CDH12: variants seen among roughly 807,000 people sequenced by gnomAD.
CDH12 encodes cadherin-12.
Under a neutral mutation model 74.1 loss-of-function variants are expected in CDH12, and 41 were observed. That is an observed-to-expected ratio of 0.55 (90% CI 0.43 to 0.72). The LOEUF is 0.72. CDH12 is among the 30% of genes least tolerant of loss of function. The pLI, the probability that CDH12 is intolerant of heterozygous loss-of-function variation, is 0.00. For synonymous variants in CDH12, 399 were observed against 355.0 expected, an observed-to-expected ratio of 1.12 and a Z score of -1.39; for missense variants, 945 against 977.2, an observed-to-expected ratio of 0.97 and a Z score of 0.44.
chr5:21,920,911 A>G (rs1754323295), intron 6 of CDH12, among the ~76,000 whole-genome samples: 2 of 152,174 alleles, frequency 1.3e-5, no homozygotes, highest in Admixed American at 1.3e-4. Context: ...AGAATCATGA[A>G]TGTTTAGATA....
intron 1 of CDH12, 53 bp from the exon 2 acceptor site, chr5:22,505,417 AT>A (rs1485351264): frequency 3.3e-6 from 2 of 614,120 alleles, no homozygotes; most frequent in Non-Finnish European, 4.1e-6. Flanking sequence ...TCTAATAAAC[AT>A]TTATTTTAGA....
At chr5:22,574,819 A>T (rs536933887) in intron 1 of CDH12, among the ~76,000 whole-genome samples, 1 of 152,294 alleles carries the variant, frequency 6.6e-6, no homozygotes, top group African/African-American at 2.4e-5. Flanking sequence ...GATAGGCCAG[A>T]AACACGAGCC....
intron 6 of CDH12, among the ~76,000 whole-genome samples, chr5:21,923,577 T>C (rs1361553547): frequency 1.3e-5 from 2 of 152,182 alleles, no homozygotes; most frequent in East Asian, 3.9e-4. Flanking sequence ...TATGTTTCTT[T>C]ATGCTCCCCA....
intron 5 of CDH12, among the ~76,000 whole-genome samples, chr5:22,050,447 A>T (rs996074320): frequency 1.4e-4 from 21 of 152,192 alleles, no homozygotes; most frequent in Admixed American, 1.3e-4. Flanking sequence ...TGACACACAG[A>T]GGTTCACAAT....
intron 1 of CDH12, among the ~76,000 whole-genome samples, chr5:22,723,023 T>C (rs911537240): frequency 1.3e-5 from 2 of 152,196 alleles, no homozygotes; most frequent in Non-Finnish European, 2.9e-5. Flanking sequence ...AAAAGCACTT[T>C]GTGGTTGAGG....
intron 4 of CDH12, among the ~76,000 whole-genome samples, chr5:22,086,541 G>GT (rs1743081291): frequency 6.6e-6 from 1 of 151,394 alleles, no homozygotes; most frequent in African/African-American, 2.4e-5. Context: ...TTGTTTGTTT[G>GT]TTTTTTGCAT....
At chr5:21,880,684 T>TTTCTTTCTTTCTTTCC (rs1561268943) in intron 6 of CDH12, among the ~76,000 whole-genome samples, 1 of 133,472 alleles carries the variant, frequency 7.5e-6, no homozygotes, top group African/African-American at 2.7e-5. Flanking sequence ...TCTTTCTTTC[T>TTTCTTTCTTTCTTTCC]TTCTTTCTCT....
intron 2 of CDH12, among the ~76,000 whole-genome samples, chr5:22,453,751 G>C (rs549652268): frequency 6.6e-6 from 1 of 152,084 alleles, no homozygotes; most frequent in African/African-American, 2.4e-5. Context: ...TCACTGCAAA[G>C]AATTGATAAC....
At chr5:22,566,694 G>A (rs1468636214) in intron 1 of CDH12, among the ~76,000 whole-genome samples, 2 of 152,098 alleles carry the variant, frequency 1.3e-5, no homozygotes, top group East Asian at 3.9e-4. Flanking sequence ...CCGGAATTGG[G>A]TCCTGACGTA....
chr5:22,013,614 C>T (rs903440371), intron 5 of CDH12, among the ~76,000 whole-genome samples: 1 of 152,132 alleles, frequency 6.6e-6, no homozygotes, highest in Non-Finnish European at 1.5e-5. Context: ...AATATTATCT[C>T]AGCTCATACT....
At chr5:21,980,767 T>C (rs527250903) in intron 5 of CDH12, among the ~76,000 whole-genome samples, 10 of 152,254 alleles carry the variant, frequency 6.6e-5, no homozygotes, top group Admixed American at 4.6e-4. Flanking sequence ...TTTGGTATTA[T>C]AGCTCTGCAA....
At chr5:22,211,069 C>G (rs1751506488) in intron 4 of CDH12, among the ~76,000 whole-genome samples, 3 of 152,194 alleles carry the variant, frequency 2.0e-5, no homozygotes, top group African/African-American at 2.4e-5. Context: ...GGAAGAAGCA[C>G]TAACATCGAC....
intron 1 of CDH12, among the ~76,000 whole-genome samples, chr5:22,825,942 T>A (rs567029258): frequency 6.6e-6 from 1 of 152,334 alleles, no homozygotes; most frequent in African/African-American, 2.4e-5. Flanking sequence ...AGGACACATG[T>A]CATTCACTAA....
In CDH12 at chr5:21,945,241, A is replaced by G. The variant is rs527516743; in HGVS notation, c.526+29850T>C. Among the ~76,000 whole-genome samples the G allele has an allele frequency of 8.6e-5, 13 of 151,826 alleles. No individual in the cohort carries two copies. In the South Asian group the frequency reaches 2.7e-3, roughly 31 times the overall value. ...GGAGTTCAAGACCATCCTGTCCAACATGGCGAAACCCCGCCTCTACTAAAA... is the reference window on the plus strand; with the variant it reads ...GGAGTTCAAGACCATCCTGTCCAACGTGGCGAAACCCCGCCTCTACTAAAA... On this transcript the variant is annotated intron_variant, in intron 6 of 14. Transcript: ENST00000382254.
chr5:22,438,561 C>T (rs1175737922), intron 2 of CDH12, among the ~76,000 whole-genome samples: 2 of 151,988 alleles, frequency 1.3e-5, no homozygotes, highest in Middle Eastern at 3.2e-3. Flanking sequence ...ATATGCTACT[C>T]AAATTTGAAT....
At chr5:22,060,215 G>A (rs1741092796) in intron 5 of CDH12, among the ~76,000 whole-genome samples, 1 of 151,880 alleles carries the variant, frequency 6.6e-6, no homozygotes, top group Non-Finnish European at 1.5e-5. Context: ...AACTAACACA[G>A]GAGCAGAAAA....
intron 1 of CDH12, among the ~76,000 whole-genome samples, chr5:22,726,457 A>G (rs1744168482): frequency 6.6e-6 from 1 of 151,720 alleles, no homozygotes; most frequent in African/African-American, 2.4e-5. Context: ...AGACATATTG[A>G]TTACCTAGGT....
intron 9 of CDH12, among the ~76,000 whole-genome samples, chr5:21,813,546 C>T (rs1747873072): frequency 6.6e-6 from 1 of 152,052 alleles, no homozygotes; most frequent in Non-Finnish European, 1.5e-5. Flanking sequence ...CTCACATGGG[C>T]TCTCTATATC....
chr5:22,334,570 C>A (rs1258862637), intron 3 of CDH12, among the ~76,000 whole-genome samples: 1 of 152,024 alleles, frequency 6.6e-6, no homozygotes, highest in African/African-American at 2.4e-5. Flanking sequence ...AAAAAGAACA[C>A]AACTGGAGGA....
Sources: allele counts gnomAD v4.1 joint callset (sites outside exome capture counted in the v4.1 genomes callset), GRCh38; gene constraint gnomAD v4.1.1; transcripts MANE v1.5; gene names NCBI Gene and HGNC (gene_info 2026-07-23, HGNC 2026-07-21).